Variants in ANK1 observed in about 807,000 individuals in gnomAD.
ANK1 encodes ankyrin 1.
A neutral mutation model predicts 210.4 loss-of-function variants in ANK1; 51 were observed. The observed-to-expected ratio is 0.24, with a 90% CI of 0.19 to 0.31. The LOEUF (loss-of-function observed/expected upper bound fraction) is 0.31, where lower values mean the gene tolerates loss of function less well. ANK1 is among the 10% of genes least tolerant of loss of function. The pLI, the probability that ANK1 is intolerant of heterozygous loss-of-function variation, is 1.00. For synonymous variants in ANK1, 967 were observed against 1,025.9 expected, an observed-to-expected ratio of 0.94 and a Z score of 1.10; for missense variants, 2,051 against 2,504.4, an observed-to-expected ratio of 0.82 and a Z score of 3.86.
chr8:41,822,186 G>GAAAGAAAGAAAGAAAGA (rs10686757), intron 1 of ANK1, among the ~76,000 whole-genome samples: 1 of 145,760 alleles, frequency 6.9e-6, no homozygotes, highest in African/African-American at 2.6e-5. Flanking sequence ...AAGAAAGAAA[G>GAAAGAAAGAAAGAAAGA]AAGGAAAGAA....
rs367713001 is a variant in ANK1, at chr8:41,690,170, G to A, written c.4104+57C>T. ...AGTGCTGGACCTGGGGTCTGTTTGG[G>A]GACCTCCTACAGGGAAGCCGTCTCG... is the stretch of plus-strand genomic sequence containing the variant. On this transcript the variant is annotated intron_variant, in intron 33 of 42. Transcript: ENST00000289734. 43 of 1,612,542 alleles carry A rather than the reference G, an allele frequency of 2.7e-5. 1 individual carries two copies. The highest frequency in any genetic ancestry group is 3.3e-5 in the Admixed American group (2 of 59,994).
chr8:41,834,641 G>A (rs934301386), intron 1 of ANK1, among the ~76,000 whole-genome samples: 2 of 152,228 alleles, frequency 1.3e-5, no homozygotes, highest in Non-Finnish European at 2.9e-5. Flanking sequence ...CTGGCCTTAG[G>A]TGGTCACCAT....
intron 1 of ANK1, among the ~76,000 whole-genome samples, chr8:41,761,005 C>A (rs1840277569): frequency 6.6e-6 from 1 of 152,012 alleles, no homozygotes; most frequent in South Asian, 2.1e-4. Flanking sequence ...AAAAAAAAGT[C>A]TTTGTAGATG....
At position 41,735,612 on chromosome 8, in the gene ANK1, G is replaced by A. The variant is rs571776047; in HGVS notation, c.130-1543C>T. 6.6e-5 allele frequency among the ~76,000 whole-genome samples: 10 copies of A among 152,172 alleles called. No individual in the cohort carries two copies. In the South Asian group the frequency reaches 1.2e-3, roughly 19 times the overall value. The stretch of plus-strand genomic sequence containing the variant: ...TCCGCAGCCCCACCCTGCGTTCCTC[G>A]AATTCCAGCTCTCCCATTGTGTCAG... On this transcript the variant is annotated intron_variant, in intron 2 of 42. Coordinates refer to ENST00000289734, the MANE Select transcript of ANK1 (RefSeq NM_000037.4).
At chr8:41,726,393 T>C (rs1206663603) in intron 5 of ANK1, among the ~76,000 whole-genome samples, 1 of 152,084 alleles carries the variant, frequency 6.6e-6, no homozygotes, top group East Asian at 1.9e-4. Context: ...TTATTATTAT[T>C]ATTATTTTAT....
intron 20 of ANK1, among the ~76,000 whole-genome samples, chr8:41,702,738 C>A (rs1164956873): frequency 6.6e-6 from 1 of 152,186 alleles, no homozygotes; most frequent in Non-Finnish European, 1.5e-5. Context: ...GACTTCTCTA[C>A]TTCTAGGATG....
chr8:41,841,159 A>G (rs1294466177), intron 1 of ANK1, among the ~76,000 whole-genome samples: 2 of 152,254 alleles, frequency 1.3e-5, no homozygotes, highest in Non-Finnish European at 2.9e-5. Context: ...CCACATGTCC[A>G]ATGTAAATGA....
At chr8:41,807,796 C>G (rs546521713) in intron 1 of ANK1, among the ~76,000 whole-genome samples, 113 of 152,196 alleles carry the variant, frequency 7.4e-4, no homozygotes, top group South Asian at 4.8e-3. Context: ...CAGATCATGT[C>G]TCCAAAACTT....
intron 22 of ANK1, among the ~76,000 whole-genome samples, chr8:41,700,003 C>T (rs1034774777): frequency 3.3e-5 from 5 of 152,218 alleles, no homozygotes; most frequent in Admixed American, 3.3e-4. Context: ...CAAAGCCTAT[C>T]ACAAAGAGTT....
chr8:41,661,997 G>A, intron 40 of ANK1, 56 bp from the exon 41 acceptor site: 1 of 1,589,756 alleles, frequency 6.3e-7, no homozygotes, highest in Non-Finnish European at 8.6e-7. Flanking sequence ...GGGGGCTCAT[G>A]TCTGTAATCT....
chr8:41,805,713 A>G (rs535222732), intron 1 of ANK1, among the ~76,000 whole-genome samples: 46 of 152,316 alleles, frequency 3.0e-4, no homozygotes, highest in African/African-American at 1.1e-3. Context: ...AAATAACTAT[A>G]TTTTCCAAAA....
intron 1 of ANK1, among the ~76,000 whole-genome samples, chr8:41,872,714 TAA>T (rs1815786497): frequency 6.6e-6 from 1 of 152,194 alleles, no homozygotes; most frequent in Non-Finnish European, 1.5e-5. Flanking sequence ...TAAAACAAGC[TAA>T]GAGGAGATAC....
intron 1 of ANK1, among the ~76,000 whole-genome samples, chr8:41,846,450 C>T (rs767329033): frequency 1.2e-4 from 18 of 152,258 alleles, no homozygotes; most frequent in Non-Finnish European, 2.5e-4. Context: ...GGCTGCAGCT[C>T]GTGCAGACGT....
Position 41,701,559 on chromosome 8 carries a change from C to G in ANK1, c.2452G>C (p.Glu818Gln). 1.2e-6 allele frequency: 2 copies of G among 1,614,182 alleles called. No individual in the cohort carries two copies. Among genetic ancestry groups the G allele is most frequent in the Non-Finnish European group, 1.7e-6 (2 of 1,180,020 alleles). The change falls in exon 22 of 43, where the codon GAA becomes CAA. Residue 818 changes from glutamate (E) to glutamine (Q), a missense_variant. This residue lies in a region of ANK1 where 1,413 missense variants were observed against 1,707.4 expected (regional missense o/e 0.83). Transcript: ENST00000289734. ...ETVDEILDVS[E>Q]DEGEELISFK... ...TTTACCCCAACGTTACCTTCATCTTCCGAGACATCCAGGATCTCATCAACT... is the reference window on the plus strand; with the variant it reads ...TTTACCCCAACGTTACCTTCATCTTGCGAGACATCCAGGATCTCATCAACT...
chr8:41,749,761 C>A (rs10808955), intron 2 of ANK1, among the ~76,000 whole-genome samples: 2 of 151,774 alleles, frequency 1.3e-5, no homozygotes, highest in Admixed American at 1.3e-4. Context: ...TACAGGCATG[C>A]GCCACAACGC....
At chr8:41,703,277 CA>C (rs1273245244) in intron 20 of ANK1, among the ~76,000 whole-genome samples, 3 of 151,582 alleles carry the variant, frequency 2.0e-5, no homozygotes, top group Admixed American at 6.6e-5. Context: ...AGGAACCACC[CA>C]GGACATTTAA....
At chr8:41,748,361 T>C (rs939185734) in intron 2 of ANK1, among the ~76,000 whole-genome samples, 10 of 152,226 alleles carry the variant, frequency 6.6e-5, no homozygotes, top group African/African-American at 1.9e-4. Context: ...CATTTTTCTA[T>C]GCCTGTCAAC....
At chr8:41,667,229 T>A (rs1810854617) in intron 39 of ANK1, among the ~76,000 whole-genome samples, 1 of 152,090 alleles carries the variant, frequency 6.6e-6, no homozygotes, top group Non-Finnish European at 1.5e-5. Flanking sequence ...TCCTAGCAGT[T>A]CTATGGCTGG....
At chr8:41,818,168 C>T (rs1803633558) in intron 1 of ANK1, among the ~76,000 whole-genome samples, 1 of 152,134 alleles carries the variant, frequency 6.6e-6, no homozygotes, top group Non-Finnish European at 1.5e-5. Flanking sequence ...AATGGGTACC[C>T]CAACACCAAG....
Sources: gnomAD v4.1 joint callset for allele counts (sites outside exome capture counted in the v4.1 genomes callset) on GRCh38, gnomAD v4.1.1 for gene constraint, gnomAD v4.1.1 regional missense constraint, MANE v1.5 for transcripts, NCBI Gene and HGNC (gene_info 2026-07-23, HGNC 2026-07-21) for gene names.